Variants in DIP2A observed in about 807,000 individuals in gnomAD.
DIP2A encodes the protein disco-interacting protein 2 homolog A.
DIP2A carries 85 observed loss-of-function variants against 177.4 expected under a neutral mutation model. That is an observed-to-expected ratio of 0.48 (90% CI 0.40 to 0.57). The LOEUF is 0.57. Ranked by LOEUF, DIP2A falls within the 20% of genes least tolerant of loss-of-function variation. DIP2A has a pLI of 0.00. For synonymous variants in DIP2A, 886 were observed against 881.8 expected, an observed-to-expected ratio of 1.00 and a Z score of -0.08; for missense variants, 1,791 against 2,100.2, an observed-to-expected ratio of 0.85 and a Z score of 2.88.
rs979033822 is a variant in DIP2A, at chr21:46,537,486, C to G, written c.1748C>G (p.Ala583Gly). The G allele has an allele frequency of 1.1e-5, 17 of 1,614,184 alleles. No homozygotes were observed. Among genetic ancestry groups the G allele is most frequent in the Non-Finnish European group, 1.2e-5 (14 of 1,180,042 alleles). The change falls in exon 15 of 38, where the codon GCG (alanine) becomes GGG (glycine). Residue 583 changes from alanine (A) to glycine (G), a missense_variant. Coordinates refer to ENST00000417564, the MANE Select transcript of DIP2A (RefSeq NM_015151.4). This position sits in a 1 kb window ranked among gnomAD's most constrained non-coding sequence, Gnocchi z 4.1. ...ATGCACGTGGTCAGCGTCCCCTACGCGCTGATGAAGGCGAACCCACTCTCC... is the reference window on the plus strand; with the variant it reads ...ATGCACGTGGTCAGCGTCCCCTACGGGCTGATGAAGGCGAACCCACTCTCC... The part of the protein sequence containing the change: ...NRMHVVSVPY[A>G]LMKANPLSWI...
At position 46,537,422 on chromosome 21, in the gene DIP2A, C is replaced by A; in HGVS notation, c.1708-24C>A. On this transcript the variant is annotated intron_variant, in intron 14 of 37. Transcript: ENST00000417564. This position sits in a 1 kb window ranked among gnomAD's most constrained non-coding sequence, Gnocchi z 4.1. ...CTGGTGTGGCTCGGGCCCACTCGCC[C>A]TAAGCATGTGTGCTCCCCCACAGAG... The A allele has an allele frequency of 6.2e-7, 1 of 1,613,560 alleles. No individual in the cohort carries two copies. The highest frequency in any genetic ancestry group is 1.1e-5 in the South Asian group (1 of 91,036).
downstream of DIP2A, among the ~76,000 whole-genome samples, chr21:46,573,636 CCT>C (rs1207179537): frequency 1.4e-5 from 1 of 72,058 alleles, no homozygotes; most frequent in Non-Finnish European, 2.6e-5. Flanking sequence ...AGAGTAAGAC[CCT>C]CTCTCACAAA....
intron 7 of DIP2A, among the ~76,000 whole-genome samples, chr21:46,510,627 CTTTTTTTTT>C (rs3060304): frequency 9.5e-6 from 1 of 105,696 alleles, no homozygotes; most frequent in Non-Finnish European, 2.0e-5. Context: ...ATCAAATAAT[CTTTTTTTTT>C]TTTTTTTTTT....
In DIP2A at chr21:46,557,557, G is replaced by A. The variant is rs371183555; in HGVS notation, c.3630-28G>A. Reference sequence around the variant, plus strand: ...TGCCCAGGGTGCTGGGTGGGCGGGCGGAGCCTCACGAGCCTTCCCTCTCGC... The same window carrying A: ...TGCCCAGGGTGCTGGGTGGGCGGGCAGAGCCTCACGAGCCTTCCCTCTCGC... On this transcript the variant is annotated intron_variant, in intron 30 of 37. Transcript: ENST00000417564. This position sits in a 1 kb window ranked among gnomAD's most constrained non-coding sequence, Gnocchi z 6.0. 203 of 1,589,984 alleles carry A rather than the reference G, an allele frequency of 1.3e-4. No homozygotes were observed. Among genetic ancestry groups the A allele is most frequent in the Admixed American group, 3.7e-4 (22 of 59,332 alleles).
At chr21:46,555,725 C>T (rs1024018028) in intron 28 of DIP2A, 11 of 508,152 alleles carry the variant, frequency 2.2e-5, no homozygotes, top group African/African-American at 2.1e-4. Flanking sequence ...GTGATGCCTC[C>T]CCTCTTCGCC....
At chr21:46,539,339 T>C (rs1175444158) in intron 16 of DIP2A, 7 of 176,414 alleles carry the variant, frequency 4.0e-5, no homozygotes, top group African/African-American at 1.7e-4. Context: ...CCCTCTCCAG[T>C]GTGGCCGACA....
In DIP2A at chr21:46,568,225, G is replaced by C. The variant is rs2060887884; in HGVS notation, c.*603G>C. 6.6e-6 allele frequency: 1 copy of C among 152,248 alleles called. No homozygotes were observed. The highest frequency in any genetic ancestry group is 2.4e-5 in the African/African-American group (1 of 41,426). 9.4% of individuals were successfully genotyped at this position (152,248 alleles called of 1,614,324 possible). On this transcript the variant is annotated 3_prime_UTR_variant, in exon 38 of 38. Transcript: ENST00000417564. ...TGCCTCCTCTGCCAGTTCCTTTATTGAAAGAGGTGTGCTGGCTGGCCACGG... is the reference window on the plus strand; with the variant it reads ...TGCCTCCTCTGCCAGTTCCTTTATTCAAAGAGGTGTGCTGGCTGGCCACGG...
In DIP2A at chr21:46,469,229, A is replaced by T. The variant is rs372763742; in HGVS notation, c.91+10007A>T. The T allele has an allele frequency of 1.3e-4, 20 of 152,342 alleles. No homozygotes were observed. In the East Asian group the frequency reaches 3.5e-3, roughly 26 times the overall value. 9.4% of individuals were successfully genotyped at this position (152,342 alleles called of 1,614,324 possible). A position where few individuals can be genotyped will look rare whatever the true frequency, so the allele number is the denominator to read the frequency against. On this transcript the variant is annotated intron_variant, in intron 1 of 37. Transcript: ENST00000417564. ...ATTTTAGGCATTTTAATGGATGCTT[A>T]TTGAGTTAATAAAAGTGAAAACTTC... is the stretch of plus-strand genomic sequence containing the variant.
Position 46,509,369 on chromosome 21 carries a change from G to A in DIP2A, c.897G>A (p.Leu299=). 7 of 1,610,964 alleles carry A rather than the reference G, an allele frequency of 4.3e-6. No homozygotes were observed. Among genetic ancestry groups the A allele is most frequent in the Non-Finnish European group, 5.9e-6 (7 of 1,178,710 alleles). The change falls in exon 7 of 38, where the codon TTG becomes TTA. Residue 299 remains leucine, a synonymous_variant. Transcript: ENST00000417564. ...KEFFVDDFEE[L]LEVQQPDPNQ... ...TCTTTGTGGATGATTTTGAGGAATTGTTGGAAGGTAAGAGTTGTCCAACTT... is the reference window on the plus strand; with the variant it reads ...TCTTTGTGGATGATTTTGAGGAATTATTGGAAGGTAAGAGTTGTCCAACTT...
At chr21:46,507,521 G>T (rs867727056) in intron 6 of DIP2A, among the ~76,000 whole-genome samples, 4 of 151,932 alleles carry the variant, frequency 2.6e-5, no homozygotes, top group African/African-American at 4.8e-5. Context: ...GGTAGACCAT[G>T]TTGGAGAGGG....
intron 33 of DIP2A, chr21:46,561,021 C>T: frequency 1.0e-6 from 1 of 985,354 alleles, no homozygotes; most frequent in South Asian, 4.7e-5. Context: ...CAGGGGAGCT[C>T]AGTGTCTATC....
chr21:46,464,072 C>T (rs764718837), intron 1 of DIP2A, among the ~76,000 whole-genome samples: 3 of 151,690 alleles, frequency 2.0e-5, no homozygotes, highest in Non-Finnish European at 2.9e-5. Context: ...ATTTGTTGTG[C>T]TTCTTGAATA....
At chr21:46,541,467 A>G (rs1473141190) in intron 17 of DIP2A, among the ~76,000 whole-genome samples, 2 of 152,148 alleles carry the variant, frequency 1.3e-5, no homozygotes, top group African/African-American at 4.8e-5. Flanking sequence ...GTGTCCCAAG[A>G]CAATCGGGTA....
the DIP2A span, among the ~76,000 whole-genome samples, chr21:46,580,940 G>A: frequency 2.0e-5 from 3 of 152,228 alleles, no homozygotes; most frequent in South Asian, 6.2e-4. Flanking sequence ...ATCTTCTCAT[G>A]GAGTATTTTA....
At chr21:46,483,058 G>C (rs1005150144) in intron 1 of DIP2A, among the ~76,000 whole-genome samples, 17 of 152,184 alleles carry the variant, frequency 1.1e-4, no homozygotes, top group African/African-American at 4.1e-4. Context: ...CAGTGATGGA[G>C]TGAGGGGGTG....
intron 33 of DIP2A, 109 bp from the exon 34 acceptor site, chr21:46,561,637 CTG>C (rs2060666496): frequency 1.5e-6 from 2 of 1,350,126 alleles, no homozygotes; most frequent in South Asian, 2.3e-5. Context: ...GACATCCTGA[CTG>C]TTGTCAACAG....
intron 7 of DIP2A, among the ~76,000 whole-genome samples, chr21:46,510,055 TATAC>T (rs1485337717): frequency 6.6e-6 from 1 of 152,202 alleles, no homozygotes; most frequent in Non-Finnish European, 1.5e-5. Flanking sequence ...AGGATAGATG[TATAC>T]ATATAAAGGG....
At chr21:46,523,172 G>A (rs577636036) in intron 8 of DIP2A, among the ~76,000 whole-genome samples, 80 of 151,996 alleles carry the variant, frequency 5.3e-4, no homozygotes, top group African/African-American at 1.9e-3. Flanking sequence ...TGATCCACCC[G>A]CCTTGGCCTT....
chr21:46,534,122 T>C lies in DIP2A; in HGVS notation c.1539+9T>C, dbSNP rs768693767. ...GGACTGCCTACATTGAGGTAATGAC[T>C]GTTCCTAACTTAGAGAATGTAAAAA... On this transcript the variant is annotated intron_variant, in intron 12 of 37. Coordinates refer to ENST00000417564, the MANE Select transcript of DIP2A (RefSeq NM_015151.4). 4.4e-5 allele frequency: 71 copies of C among 1,596,910 alleles called. No individual in the cohort carries two copies. The South Asian group carries it at 7.6e-4, about 17-fold the overall frequency.
Sources: gnomAD v4.1 joint callset for allele counts (sites outside exome capture counted in the v4.1 genomes callset) on GRCh38, gnomAD v4.1.1 for gene constraint, Gnocchi (gnomAD v3.1) non-coding constraint, MANE v1.5 for transcripts, NCBI Gene and HGNC (gene_info 2026-07-23, HGNC 2026-07-21) for gene names.